ACVR1B: variants seen among roughly 807,000 people sequenced by gnomAD.
The protein encoded by ACVR1B is activin receptor type-1B.
In ACVR1B, 15 loss-of-function variants were observed where a neutral mutation model predicts 55.6. The ratio of observed to expected loss-of-function variants is 0.27; its 90% CI spans 0.18 to 0.42. The LOEUF is 0.42. ACVR1B is among the 10% of genes least tolerant of loss of function. The probability of loss-of-function intolerance (pLI) is 1.00; values close to 1 mark genes in which losing one functional copy is unlikely to be tolerated. For missense variants in ACVR1B, 359 were observed against 670.1 expected (o/e 0.54, Z 5.13); for synonymous variants, 247 against 254.6 (o/e 0.97, Z 0.28).
At position 51,951,846 on chromosome 12, in the gene ACVR1B, G is replaced by T; in HGVS notation, c.91+12G>T. The T allele has an allele frequency of 7.9e-7, 1 of 1,263,144 alleles. No homozygotes were observed. Among genetic ancestry groups the T allele is most frequent in the Non-Finnish European group, 1.0e-6 (1 of 994,846 alleles). The allele number at this position is 1,263,144 out of a possible 1,614,324, so 78.2% of individuals were successfully genotyped here. On this transcript the variant is annotated intron_variant, in intron 1 of 8. Coordinates refer to ENST00000257963, the MANE Select transcript of ACVR1B (RefSeq NM_004302.5). ...CCGGGGGGTCCAGGGTGAGTCCTGGGACGGGGGGCGGGGGCCGGGATGGAG... is the reference window on the plus strand; with the variant it reads ...CCGGGGGGTCCAGGGTGAGTCCTGGTACGGGGGGCGGGGGCCGGGATGGAG...
intron 5 of ACVR1B, among the ~76,000 whole-genome samples, chr12:51,984,439 T>A (rs1401329518): frequency 6.6e-6 from 1 of 152,184 alleles, no homozygotes; most frequent in Admixed American, 6.5e-5. Context: ...AGTCATTTGT[T>A]ACGAAGGAGT....
At chr12:51,976,667 C>T in intron 3 of ACVR1B, 92 bp downstream of exon 3, 1 of 1,501,212 alleles carries the variant, frequency 6.7e-7, no homozygotes, top group Non-Finnish European at 9.0e-7. Flanking sequence ...GGAGGCCCTG[C>T]ATTTGTTTCT....
chr12:51,965,086 A>G (rs776464818), intron 1 of ACVR1B, among the ~76,000 whole-genome samples: 1 of 152,116 alleles, frequency 6.6e-6, no homozygotes, highest in South Asian at 2.1e-4. Context: ...TGTTTACTCT[A>G]TGTGTAATTT....
chr12:51,972,258 T>C (rs943167365), intron 1 of ACVR1B, among the ~76,000 whole-genome samples: 1 of 152,196 alleles, frequency 6.6e-6, no homozygotes, highest in East Asian at 1.9e-4. Context: ...TAGATATATA[T>C]TTCTTCATGT....
In ACVR1B at chr12:51,993,765, T is replaced by TAAAAAAAAAAAAAA. The variant is rs869161100; in HGVS notation, c.1393-194_1393-181dup. ...CTGGGTGACAGAGTGAGACTCCTTCTAAAAAAAAAAAAAAAAAAAAAAAAA... is the reference window on the plus strand; with the variant it reads ...CTGGGTGACAGAGTGAGACTCCTTCTAAAAAAAAAAAAAAAAAAAAAAAAAAAAAAAAAAAAAAA... On this transcript the variant is annotated intron_variant, in intron 8 of 8. Coordinates refer to ENST00000257963, the MANE Select transcript of ACVR1B (RefSeq NM_004302.5). 6.4e-4 allele frequency among the ~76,000 whole-genome samples: 19 copies of TAAAAAAAAAAAAAA among 29,768 alleles called. 3 individuals carry two copies. Among genetic ancestry groups the TAAAAAAAAAAAAAA allele is most frequent in the South Asian group, 1.6e-3 (1 of 620 alleles). 19.5% of individuals were successfully genotyped at this position (29,768 alleles called of 152,430 possible).
In ACVR1B at chr12:51,953,963, C is replaced by T. The variant is rs1941360917; in HGVS notation, c.91+2129C>T. On this transcript the variant is annotated intron_variant, in intron 1 of 8. Transcript: ENST00000257963. ...TCTCCAGGGCCTTTAAACTTCTTGGCCAGACACTACAGTTTTTTCCAGGAC... is the reference window on the plus strand; with the variant it reads ...TCTCCAGGGCCTTTAAACTTCTTGGTCAGACACTACAGTTTTTTCCAGGAC... Among the ~76,000 whole-genome samples the T allele has an allele frequency of 3.9e-5, 6 of 152,120 alleles. 1 individual carries two copies. Among genetic ancestry groups the T allele is most frequent in the Admixed American group, 3.3e-4 (5 of 15,274 alleles).
Position 51,995,149 on chromosome 12 carries a change from C to T in ACVR1B, c.*1039C>T, listed in dbSNP as rs1942276503. ...CCAAGGGCATCATCCTCAGCAGCAT[C>T]GAGGAAGGGCCGAGGAATGTGAAGC... On this transcript the variant is annotated 3_prime_UTR_variant, in exon 9 of 9. Transcript: ENST00000257963. 1 of 152,818 alleles carries T rather than the reference C, an allele frequency of 6.5e-6. No individual in the cohort carries two copies. The highest frequency in any genetic ancestry group is 1.5e-5 in the Non-Finnish European group (1 of 68,124). 9.5% of individuals were successfully genotyped at this position (152,818 alleles called of 1,614,324 possible). A position where few individuals can be genotyped will look rare whatever the true frequency, so the allele number is the denominator to read the frequency against.
At chr12:51,963,479 C>T (rs1436192868) in intron 1 of ACVR1B, among the ~76,000 whole-genome samples, 1 of 152,194 alleles carries the variant, frequency 6.6e-6, no homozygotes, top group East Asian at 1.9e-4. Context: ...TGTAAGTGAT[C>T]CACCCACCTC....
At position 51,976,641 on chromosome 12, in the gene ACVR1B, G is replaced by A. The variant is rs911647650; in HGVS notation, c.580+66G>A. The A allele has an allele frequency of 3.2e-6, 5 of 1,586,286 alleles. No individual in the cohort carries two copies. The African/African-American group carries it at 6.7e-5, about 21-fold the overall frequency. ...CATCAGTTTCCCAGCAGGATAGAGT[G>A]CTTGTAGAGAAGGCTGGAGGCCCTG... On this transcript the variant is annotated intron_variant, in intron 3 of 8. Transcript: ENST00000257963.
At position 51,976,918 on chromosome 12, in the gene ACVR1B, C is replaced by T. The variant is rs371550446; in HGVS notation, c.580+343C>T. On this transcript the variant is annotated intron_variant, in intron 3 of 8. Transcript: ENST00000257963. The stretch of plus-strand genomic sequence containing the variant: ...CAATTTCAGGGCCCCTTTTGAGAAA[C>T]AGGAGTGTGCCAGATTCCTGTGAGG... Among the ~76,000 whole-genome samples, 21 of 152,286 alleles carry T rather than the reference C, an allele frequency of 1.4e-4. 1 individual carries two copies. The South Asian group carries it at 4.1e-3, about 30-fold the overall frequency.
chr12:51,954,141 G>A (rs1941365470), intron 1 of ACVR1B, among the ~76,000 whole-genome samples: 1 of 152,148 alleles, frequency 6.6e-6, no homozygotes, highest in South Asian at 2.1e-4. Context: ...CCCCTACGTG[G>A]GCTGGAGGAG....
intron 1 of ACVR1B, among the ~76,000 whole-genome samples, chr12:51,956,833 C>T (rs940231741): frequency 6.6e-6 from 1 of 152,050 alleles, no homozygotes; most frequent in African/African-American, 2.4e-5. Flanking sequence ...TGATCTCACT[C>T]ACTGCAGTTT....
chr12:51,986,543 A>G (rs1296413736), intron 6 of ACVR1B, among the ~76,000 whole-genome samples: 1 of 152,254 alleles, frequency 6.6e-6, no homozygotes, highest in Non-Finnish European at 1.5e-5. Context: ...TACAGGCGTG[A>G]GCCACCGCAC....
intron 4 of ACVR1B, among the ~76,000 whole-genome samples, chr12:51,983,029 G>C (rs1466314385): frequency 6.6e-6 from 1 of 152,122 alleles, no homozygotes; most frequent in East Asian, 1.9e-4. Context: ...TATTGATTCT[G>C]GCAGCTTGTG....
At chr12:51,985,673 A>G (rs766315401) in intron 6 of ACVR1B, among the ~76,000 whole-genome samples, 1 of 152,154 alleles carries the variant, frequency 6.6e-6, no homozygotes, top group Non-Finnish European at 1.5e-5. Context: ...GGAAAGAGGG[A>G]AAACACTGTC....
chr12:51,990,283 AACTCAC>A (rs1429399593), intron 7 of ACVR1B, among the ~76,000 whole-genome samples: 2 of 150,656 alleles, frequency 1.3e-5, no homozygotes, highest in African/African-American at 4.9e-5. Context: ...GCAAGAGTGA[AACTCAC>A]ACACACACAC....
Position 51,951,783 on chromosome 12 carries a change from G to C in ACVR1B, c.40G>C (p.Val14Leu), listed in dbSNP as rs1432065811. 7.7e-7 allele frequency: 1 copy of C among 1,296,730 alleles called. No individual in the cohort carries two copies. The highest frequency in any genetic ancestry group is 1.5e-5 in the African/African-American group (1 of 65,932). 80.3% of individuals were successfully genotyped at this position (1,296,730 alleles called of 1,614,324 possible). A position where few individuals can be genotyped will look rare whatever the true frequency, so the allele number is the denominator to read the frequency against. Reference sequence around the variant, plus strand: ...CGGAGCCTCCTCCTTCTTCCCCCTTGTTGTCCTCCTGCTCGCCGGCAGCGG... The same window carrying C: ...CGGAGCCTCCTCCTTCTTCCCCCTTCTTGTCCTCCTGCTCGCCGGCAGCGG... ...SAGASSFFPL[V>L]VLLLAGSGGS... Residue 14 changes from valine to leucine, a missense_variant, in exon 1 of 9, where the codon GTT (valine) becomes CTT (leucine). Val to Leu is a conservative substitution (Grantham distance 32). Around this residue, in one of 5 missense-constraint regions of ACVR1B, gnomAD observed 48 missense variants for 40.6 expected, o/e 1.18. Coordinates refer to ENST00000257963, the MANE Select transcript of ACVR1B (RefSeq NM_004302.5).
chr12:51,987,070 T>C (rs1445235427), intron 7 of ACVR1B, 128 bp downstream of exon 7: 2 of 1,324,436 alleles, frequency 1.5e-6, no homozygotes, highest in Middle Eastern at 1.8e-4. Context: ...AATCATCGTT[T>C]AAGGTTGCCA....
At chr12:51,952,956 G>T (rs181217899) in intron 1 of ACVR1B, among the ~76,000 whole-genome samples, 9 of 152,044 alleles carry the variant, frequency 5.9e-5, no homozygotes, top group African/African-American at 1.9e-4. Flanking sequence ...AGGCTTTGGG[G>T]GCTGAGAAGA....
Sources: allele counts gnomAD v4.1 joint callset (sites outside exome capture counted in the v4.1 genomes callset), GRCh38; gene constraint gnomAD v4.1.1; regional missense constraint gnomAD v4.1.1; transcripts MANE v1.5; gene names NCBI Gene and HGNC (gene_info 2026-07-23, HGNC 2026-07-21).